The following ST7L variants were observed in gnomAD, a reference collection of about 807,000 sequenced individuals.
ST7L encodes suppressor of tumorigenicity 7 protein-like.
In ST7L, 57 loss-of-function variants were observed where a neutral mutation model predicts 72.5. The ratio of observed to expected loss-of-function variants is 0.79; its 90% confidence interval spans 0.64 to 0.98. The LOEUF (loss-of-function observed/expected upper bound fraction) is 0.98, where lower values mean the gene tolerates loss of function less well. ST7L is among the 50% of genes least tolerant of loss of function. The pLI, the probability that ST7L is intolerant of heterozygous loss-of-function variation, is 0.00. For missense variants in ST7L, 576 were observed against 672.2 expected (o/e 0.86, Z 1.58); for synonymous variants, 221 against 240.9 (o/e 0.92, Z 0.77).
rs542628298 is a variant in ST7L at position 112,564,749 on chromosome 1, G to C, written c.1246-8731C>G. ...GGAGAATTGCTTGAACCCAGGAGGC[G>C]GAGGTTGCAGTGAGCCGAGACTGTG... On this transcript the variant is annotated intron_variant, in intron 11 of 14. Coordinates refer to ENST00000358039, the MANE Select transcript of ST7L (RefSeq NM_017744.5). Among the ~76,000 whole-genome samples, 122 of 150,464 alleles carry C rather than the reference G, an allele frequency of 8.1e-4. 1 individual carries two copies. In the South Asian group the frequency reaches 0.016, roughly 20 times the overall value.
Position 112,577,108 on chromosome 1 carries a change from T to C in ST7L, c.1143-20A>G, listed in dbSNP as rs1055956639. The C allele has an allele frequency of 2.7e-6, 4 of 1,476,278 alleles. No individual in the cohort carries two copies. The highest frequency in any genetic ancestry group is 3.7e-6 in the Non-Finnish European group (4 of 1,088,744). 91.4% of individuals were successfully genotyped at this position (1,476,278 alleles called of 1,614,324 possible). A position where few individuals can be genotyped will look rare whatever the true frequency, so the allele number is the denominator to read the frequency against. Reference sequence around the variant, plus strand: ...GAGAATCTACAAGAAAACCACAAAATGAAAAAATAAATATGCTAAAAAAAA... The same window carrying C: ...GAGAATCTACAAGAAAACCACAAAACGAAAAAATAAATATGCTAAAAAAAA... On this transcript the variant is annotated intron_variant, in intron 10 of 14. Coordinates refer to ENST00000358039, the MANE Select transcript of ST7L (RefSeq NM_017744.5).
At chr1:112,598,447 GAA>G (rs1376387964) in intron 4 of ST7L, among the ~76,000 whole-genome samples, 4 of 114,120 alleles carry the variant, frequency 3.5e-5, no homozygotes, top group Admixed American at 9.1e-5. Context: ...GTCTTTACCA[GAA>G]AAAAAAAAAA....
intron 6 of ST7L, among the ~76,000 whole-genome samples, chr1:112,585,509 G>A (rs1190663917): frequency 2.0e-5 from 3 of 152,200 alleles, no homozygotes; most frequent in Non-Finnish European, 4.4e-5. Context: ...TTGGGAGGCC[G>A]AGGCGGGCGG....
chr1:112,562,753 G>A (rs559491934), intron 11 of ST7L, among the ~76,000 whole-genome samples: 1 of 152,208 alleles, frequency 6.6e-6, no homozygotes, highest in South Asian at 2.1e-4. Context: ...CTAAAAGGTT[G>A]GTCCTTATCC....
chr1:112,598,006 G>A lies in ST7L; in HGVS notation c.587C>T (p.Thr196Ile), dbSNP rs1209013090. 2 of 1,613,570 alleles carry A rather than the reference G, an allele frequency of 1.2e-6. No individual in the cohort carries two copies. Among genetic ancestry groups the A allele is most frequent in the South Asian group, 1.1e-5 (1 of 91,046 alleles). ...AGGACGTAAAAAATCTGTGTCACAG[G>A]TGAAAAAGGTCTGATGGTCCTGAGC... ...LSAQDHQTFF[T>I]CDTDFLRPSD... is the part of the protein sequence containing the mutation. Residue 196 changes from threonine to isoleucine, a missense_variant, in exon 5 of 15, where the codon ACC becomes ATC. Thr to Ile is a moderately conservative substitution (Grantham distance 89). Coordinates refer to ENST00000358039, the MANE Select transcript of ST7L (RefSeq NM_017744.5).
At chr1:112,564,750 G>A (rs186633126) in intron 11 of ST7L, among the ~76,000 whole-genome samples, 1 of 149,906 alleles carries the variant, frequency 6.7e-6, no homozygotes, top group Admixed American at 6.7e-5. Flanking sequence ...CCAGGAGGCG[G>A]AGGTTGCAGT....
chr1:112,574,249 C>T (rs1662681662), intron 11 of ST7L, among the ~76,000 whole-genome samples: 1 of 147,504 alleles, frequency 6.8e-6, no homozygotes, highest in Admixed American at 6.8e-5. Flanking sequence ...CAGAGTCTCA[C>T]TCTGTCACCC....
chr1:112,608,273 C>G (rs1392783204), intron 3 of ST7L, among the ~76,000 whole-genome samples: 2 of 152,130 alleles, frequency 1.3e-5, no homozygotes, highest in Non-Finnish European at 2.9e-5. Context: ...CTTACCTCAG[C>G]CTCCTAAAGC....
chr1:112,570,672 GTT>G, intron 11 of ST7L: 1 of 447,980 alleles, frequency 2.2e-6, no homozygotes, highest in South Asian at 1.6e-5. Flanking sequence ...ATCCCTTTAT[GTT>G]TGCTTGCTTC....
chr1:112,590,456 GT>G (rs1022494197), intron 6 of ST7L, among the ~76,000 whole-genome samples: 8 of 152,252 alleles, frequency 5.3e-5, no homozygotes, highest in African/African-American at 1.9e-4. Flanking sequence ...GTTTCTGCCA[GT>G]TTATTATTTT....
rs990934561 is a variant in ST7L at position 112,525,681 on chromosome 1, T to TA, written c.*331dup. 3 of 210,940 alleles carry TA rather than the reference T, an allele frequency of 1.4e-5. No homozygotes were observed. In the Admixed American group the frequency reaches 1.6e-4, roughly 11 times the overall value. 13.1% of individuals were successfully genotyped at this position (210,940 alleles called of 1,614,324 possible). ...GTATATCGATGGAGCAGCTGGACAT[T>TA]AGAGTTCTTTCTCTTTGACCAAAGG... On this transcript the variant is annotated 3_prime_UTR_variant, in exon 15 of 15. Coordinates refer to ENST00000358039, the MANE Select transcript of ST7L (RefSeq NM_017744.5).
chr1:112,532,036 C>T (rs1438769400), intron 14 of ST7L, among the ~76,000 whole-genome samples: 3 of 152,060 alleles, frequency 2.0e-5, no homozygotes, highest in Non-Finnish European at 4.4e-5. Context: ...TCACCAAGGG[C>T]AAATTAGTAA....
At chr1:112,612,192 G>T (rs1458036251) in intron 2 of ST7L, among the ~76,000 whole-genome samples, 3 of 151,726 alleles carry the variant, frequency 2.0e-5, no homozygotes, top group Non-Finnish European at 2.9e-5. Flanking sequence ...GACCTCCCTG[G>T]GCTCAGGTGA....
At chr1:112,598,636 G>A (rs1359311962) in intron 4 of ST7L, among the ~76,000 whole-genome samples, 6 of 151,642 alleles carry the variant, frequency 4.0e-5, no homozygotes, top group Non-Finnish European at 5.9e-5. Flanking sequence ...TTAAGGATTG[G>A]GAATTGAGAC....
intron 14 of ST7L, among the ~76,000 whole-genome samples, chr1:112,533,666 A>G (rs1158956594): frequency 6.6e-6 from 1 of 151,576 alleles, no homozygotes; most frequent in Non-Finnish European, 1.5e-5. Flanking sequence ...GTATGTACCT[A>G]TTTATTTAAG....
chr1:112,588,883 G>A (rs1050182139), intron 6 of ST7L, among the ~76,000 whole-genome samples: 2 of 151,994 alleles, frequency 1.3e-5, no homozygotes, highest in South Asian at 2.1e-4. Context: ...ATTGATATGC[G>A]TGATAGCATC....
rs1457934304 is a variant in ST7L, at chr1:112,617,713, TCTCTCACACACA to T, written c.206-830_206-819del. Among the ~76,000 whole-genome samples the T allele has an allele frequency of 9.6e-3, 893 of 93,438 alleles. 14 individuals carry two copies. Among genetic ancestry groups the T allele is most frequent in the African/African-American group, 0.033 (853 of 25,486 alleles). 61.3% of individuals were successfully genotyped at this position (93,438 alleles called of 152,430 possible). Reference sequence around the variant, plus strand: ...AAGGGAGACTCTGTCTGTCTTTCTCTCTCTCACACACACACACACACACACACACACACACAC... The same window carrying T: ...AAGGGAGACTCTGTCTGTCTTTCTCTCACACACACACACACACACACACAC... On this transcript the variant is annotated intron_variant, in intron 1 of 14. Coordinates refer to ENST00000358039, the MANE Select transcript of ST7L (RefSeq NM_017744.5).
At chr1:112,548,377 G>A (rs1299952546) in intron 13 of ST7L, among the ~76,000 whole-genome samples, 1 of 152,014 alleles carries the variant, frequency 6.6e-6, no homozygotes, top group Non-Finnish European at 1.5e-5. Context: ...AAAAAAAGAA[G>A]AGAATCCTGG....
the ST7L span, chr1:112,518,262 G>A: frequency 6.6e-6 from 1 of 152,344 alleles, no homozygotes; most frequent in African/African-American, 2.4e-5. Flanking sequence ...GGTTAAACTA[G>A]GAACATGCAA....
Sources: allele counts gnomAD v4.1 joint callset (sites outside exome capture counted in the v4.1 genomes callset), GRCh38; gene constraint gnomAD v4.1.1; transcripts MANE v1.5; gene names NCBI Gene and HGNC (gene_info 2026-07-23, HGNC 2026-07-21).